SAMD4A: variants seen among roughly 807,000 people sequenced by gnomAD.
SAMD4A encodes protein Smaug homolog 1.
SAMD4A carries 33 observed loss-of-function variants against 81.3 expected under a neutral mutation model. The ratio of observed to expected loss-of-function variants is 0.41; its 90% confidence interval spans 0.31 to 0.54. The LOEUF is 0.54. Ranked by LOEUF, SAMD4A falls within the 20% of genes least tolerant of loss-of-function variation. The pLI, the probability that SAMD4A is intolerant of heterozygous loss-of-function variation, is 0.37. For missense variants in SAMD4A, 854 were observed against 951.1 expected, an observed-to-expected ratio of 0.90 and a Z score of 1.34; for synonymous variants, 389 against 382.1, an observed-to-expected ratio of 1.02 and a Z score of -0.21.
intron 3 of SAMD4A, among the ~76,000 whole-genome samples, chr14:54,709,431 G>A (rs760774022): frequency 3.3e-5 from 5 of 151,794 alleles, no homozygotes; most frequent in African/African-American, 4.9e-5. Flanking sequence ...TTCATTCATC[G>A]AGAGGCAAGA....
intron 2 of SAMD4A, among the ~76,000 whole-genome samples, chr14:54,606,138 C>T (rs1231397195): frequency 2.0e-5 from 3 of 151,726 alleles, no homozygotes; most frequent in Non-Finnish European, 4.4e-5. Flanking sequence ...CATGTCATTT[C>T]TGTTACAAGG....
intron 2 of SAMD4A, among the ~76,000 whole-genome samples, chr14:54,640,545 G>C (rs1296629222): frequency 6.6e-6 from 1 of 152,202 alleles, no homozygotes; most frequent in Non-Finnish European, 1.5e-5. Context: ...TTCTGGAGAA[G>C]CCGGCAGTTT....
At chr14:54,643,660 C>A (rs1036959715) in intron 2 of SAMD4A, among the ~76,000 whole-genome samples, 1 of 152,190 alleles carries the variant, frequency 6.6e-6, no homozygotes, top group African/African-American at 2.4e-5. Flanking sequence ...TGTTATAAGA[C>A]ACTCAAGAAA....
chr14:54,597,753 C>A (rs948846472), intron 2 of SAMD4A, among the ~76,000 whole-genome samples: 2 of 151,896 alleles, frequency 1.3e-5, no homozygotes, highest in Non-Finnish European at 2.9e-5. Flanking sequence ...CCATGCCTGG[C>A]TAATTTTTGT....
chr14:54,633,463 G>T (rs1049530810), intron 2 of SAMD4A, among the ~76,000 whole-genome samples: 87 of 152,174 alleles, frequency 5.7e-4, no homozygotes, highest in Non-Finnish European at 1.5e-4. Context: ...TCTGAACATT[G>T]TAAGATCACT....
chr14:54,705,208 G>A (rs909838501), intron 3 of SAMD4A, among the ~76,000 whole-genome samples: 4 of 152,128 alleles, frequency 2.6e-5, no homozygotes, highest in Admixed American at 1.3e-4. Context: ...AAAGAAACTG[G>A]GAAAGACGGT....
At chr14:54,733,923 G>C (rs1438499217) in intron 3 of SAMD4A, among the ~76,000 whole-genome samples, 82 of 152,050 alleles carry the variant, frequency 5.4e-4, no homozygotes, top group Non-Finnish European at 1.5e-5. Context: ...GAGGGGCTGG[G>C]GATGAAACAA....
At chr14:54,666,622 T>G (rs1185185257) in intron 2 of SAMD4A, among the ~76,000 whole-genome samples, 2 of 152,172 alleles carry the variant, frequency 1.3e-5, no homozygotes, top group Non-Finnish European at 2.9e-5. Context: ...GCTAACCAAT[T>G]TATATTATTA....
At chr14:54,684,541 A>G (rs1214748641) in intron 2 of SAMD4A, among the ~76,000 whole-genome samples, 4 of 152,100 alleles carry the variant, frequency 2.6e-5, no homozygotes, top group African/African-American at 9.7e-5. Context: ...AGGGGGTTAC[A>G]GACTTCCAGT....
At chr14:54,594,449 A>G (rs903187008) in intron 2 of SAMD4A, among the ~76,000 whole-genome samples, 2 of 152,070 alleles carry the variant, frequency 1.3e-5, no homozygotes, top group Admixed American at 1.3e-4. Context: ...TTAAAATTGC[A>G]AGTGTTAATT....
Position 54,770,168 on chromosome 14 carries a change from G to A in SAMD4A, c.1661G>A (p.Arg554Gln), listed in dbSNP as rs746129555. 1.2e-6 allele frequency: 2 copies of A among 1,614,024 alleles called. No homozygotes were observed. Among genetic ancestry groups the A allele is most frequent in the Admixed American group, 1.7e-5 (1 of 60,016 alleles). Residue 554 changes from arginine (R) to glutamine (Q), a missense_variant, in exon 9 of 13, where the codon CGG (arginine) becomes CAG (glutamine). Arg to Gln is a conservative substitution (Grantham distance 43). Around this residue, in one of 3 missense-constraint regions of SAMD4A, gnomAD observed 428 missense variants for 471.2 expected, o/e 0.91. Transcript: ENST00000554335. ...AAACAGCAGGTGCAGAAGCTCTTTC[G>A]GTCTTTCCCTCGGAAAACCCTTCTA... ...SWKQQVQKLF[R>Q]SFPRKTLLDI...
chr14:54,720,412 A>G (rs1316074108), intron 3 of SAMD4A, among the ~76,000 whole-genome samples: 4 of 152,158 alleles, frequency 2.6e-5, no homozygotes, highest in Admixed American at 6.5e-5. Flanking sequence ...ATTTAAGAGG[A>G]AGGGACCTAG....
intron 3 of SAMD4A, among the ~76,000 whole-genome samples, chr14:54,724,107 G>A (rs1380378707): frequency 6.6e-6 from 1 of 152,088 alleles, no homozygotes; most frequent in Non-Finnish European, 1.5e-5. Flanking sequence ...TAGGTAGGTG[G>A]AATAAGGTAT....
At chr14:54,777,204 C>G (rs539457077) in intron 11 of SAMD4A, among the ~76,000 whole-genome samples, 6 of 152,050 alleles carry the variant, frequency 3.9e-5, no homozygotes, top group African/African-American at 1.2e-4. Flanking sequence ...TGGACCCCCC[C>G]CCACCCCCAC....
chr14:54,568,690 C>CATATATAT (rs59190435), intron 2 of SAMD4A, among the ~76,000 whole-genome samples: 1 of 31,890 alleles, frequency 3.1e-5, no homozygotes, highest in Non-Finnish European at 5.6e-5. Flanking sequence ...ACATTTGCAG[C>CATATATAT]ATATATATAT....
At chr14:54,759,369 C>T (rs1242436837) in intron 6 of SAMD4A, among the ~76,000 whole-genome samples, 1 of 152,204 alleles carries the variant, frequency 6.6e-6, no homozygotes, top group Non-Finnish European at 1.5e-5. Flanking sequence ...AGACTCCCCC[C>T]TCAGAGCCTT....
At chr14:54,593,740 T>A (rs2033842678) in intron 2 of SAMD4A, among the ~76,000 whole-genome samples, 1 of 152,208 alleles carries the variant, frequency 6.6e-6, no homozygotes, top group African/African-American at 2.4e-5. Flanking sequence ...CTGATTTAAA[T>A]GTATATTTTG....
At chr14:54,664,092 C>T (rs542916540) in intron 2 of SAMD4A, among the ~76,000 whole-genome samples, 1 of 152,132 alleles carries the variant, frequency 6.6e-6, no homozygotes, top group Admixed American at 6.5e-5. Flanking sequence ...AAATTAAATA[C>T]AAACAAGATA....
chr14:54,759,665 T>C (rs1459503749), intron 6 of SAMD4A, among the ~76,000 whole-genome samples: 1 of 152,162 alleles, frequency 6.6e-6, no homozygotes, highest in Non-Finnish European at 1.5e-5. Context: ...AGTGCAAGAA[T>C]CCAAACCCCA....
Sources: allele counts gnomAD v4.1 joint callset (sites outside exome capture counted in the v4.1 genomes callset), GRCh38; gene constraint gnomAD v4.1.1; regional missense constraint gnomAD v4.1.1; transcripts MANE v1.5; gene names NCBI Gene and HGNC (gene_info 2026-07-23, HGNC 2026-07-21).